The following ADAMTS2 variants were observed in gnomAD, a reference collection of about 807,000 sequenced individuals.
ADAMTS2 encodes the protein ADAM metallopeptidase with thrombospondin type 1 motif 2, also known as A disintegrin and metalloproteinase with thrombospondin motifs 2.
A neutral mutation model predicts 123.0 loss-of-function variants in ADAMTS2; 50 were observed. The observed-to-expected ratio is 0.41, with a 90% CI of 0.32 to 0.51. The LOEUF (loss-of-function observed/expected upper bound fraction) is 0.51, where lower values mean the gene tolerates loss of function less well. ADAMTS2 is among the 20% of genes least tolerant of loss of function. ADAMTS2 has a pLI of 0.35. For synonymous variants in ADAMTS2, 678 were observed against 695.4 expected, an observed-to-expected ratio of 0.98 and a Z score of 0.39; for missense variants, 1,494 against 1,705.2, an observed-to-expected ratio of 0.88 and a Z score of 2.18.
chr5:179,211,432 AGGTGT>A (rs1764847349), intron 3 of ADAMTS2, among the ~76,000 whole-genome samples: 1 of 152,162 alleles, frequency 6.6e-6, no homozygotes, highest in Non-Finnish European at 1.5e-5. Context: ...CCCTGAAGGG[AGGTGT>A]CTGTGGCAGG....
At chr5:179,116,033 C>A (rs1762650947) in intron 21 of ADAMTS2, among the ~76,000 whole-genome samples, 2 of 152,246 alleles carry the variant, frequency 1.3e-5, no homozygotes, top group South Asian at 4.2e-4. Context: ...CTGCTGCCCA[C>A]CCTGTCTCGG....
chr5:179,169,583 G>A (rs923598476), intron 5 of ADAMTS2, among the ~76,000 whole-genome samples: 1 of 152,148 alleles, frequency 6.6e-6, no homozygotes, highest in African/African-American at 2.4e-5. Flanking sequence ...GAGGACAGGG[G>A]GCTGTCCCTG....
intron 10 of ADAMTS2, 138 bp downstream of exon 10, chr5:179,152,004 A>AG: frequency 1.4e-6 from 1 of 721,588 alleles, no homozygotes; most frequent in Non-Finnish European, 2.4e-6. Flanking sequence ...GGTAATTAGA[A>AG]GGGGGAAAGG....
chr5:179,271,153 G>T (rs1299659309), intron 3 of ADAMTS2, among the ~76,000 whole-genome samples: 2 of 152,216 alleles, frequency 1.3e-5, no homozygotes, highest in Non-Finnish European at 2.9e-5. Flanking sequence ...TGGATTGGGG[G>T]TGGGGGTGGA....
At chr5:179,333,926 GC>G (rs1196374621) in intron 2 of ADAMTS2, among the ~76,000 whole-genome samples, 5 of 152,126 alleles carry the variant, frequency 3.3e-5, no homozygotes, top group African/African-American at 1.2e-4. Context: ...AAATGTCTTT[GC>G]TTGGAAAAAC....
Position 179,287,625 on chromosome 5 carries a change from G to A in ADAMTS2, c.535-14561C>T, listed in dbSNP as rs142048808. Among the ~76,000 whole-genome samples, 378 of 152,366 alleles carry A rather than the reference G, an allele frequency of 2.5e-3. 1 individual carries two copies. Among genetic ancestry groups the A allele is most frequent in the African/African-American group, 8.4e-3 (348 of 41,588 alleles). On this transcript the variant is annotated intron_variant, in intron 2 of 21. Coordinates refer to ENST00000251582, the MANE Select transcript of ADAMTS2 (RefSeq NM_014244.5). Reference sequence around the variant, plus strand: ...AGACGGGGTATGCAATTCTAGATGTGTGGCGTGTTTTGAACAGCATCCAAT... The same window carrying A: ...AGACGGGGTATGCAATTCTAGATGTATGGCGTGTTTTGAACAGCATCCAAT...
intron 2 of ADAMTS2, among the ~76,000 whole-genome samples, chr5:179,333,222 C>G (rs1290244716): frequency 6.6e-6 from 1 of 152,192 alleles, no homozygotes; most frequent in African/African-American, 2.4e-5. Flanking sequence ...CTGAGGCCAG[C>G]CAGCCTCATC....
rs1054360616 is a variant in ADAMTS2 at position 179,162,838 on chromosome 5, G to A, written c.976-3959C>T. Reference sequence around the variant, plus strand: ...CTGAGTTGTGCTCTTGTCACTTGCAGCGAAGAGAATCTGAGCCACGTGCTT... The same window carrying A: ...CTGAGTTGTGCTCTTGTCACTTGCAACGAAGAGAATCTGAGCCACGTGCTT... On this transcript the variant is annotated intron_variant, in intron 5 of 21. Coordinates refer to ENST00000251582, the MANE Select transcript of ADAMTS2 (RefSeq NM_014244.5). This position sits in a 1 kb window ranked among gnomAD's most constrained non-coding sequence, Gnocchi z 5.1. 4.6e-5 allele frequency among the ~76,000 whole-genome samples: 7 copies of A among 152,270 alleles called. No individual in the cohort carries two copies. Among genetic ancestry groups the A allele is most frequent in the African/African-American group, 1.7e-4 (7 of 41,476 alleles).
intron 5 of ADAMTS2, among the ~76,000 whole-genome samples, chr5:179,176,255 C>T (rs932493496): frequency 3.6e-4 from 55 of 152,254 alleles, no homozygotes; most frequent in Non-Finnish European, 4.9e-4. Flanking sequence ...GGGGCCGTCA[C>T]GCCCTTGCCC....
At position 179,118,801 on chromosome 5, in the gene ADAMTS2, C is replaced by T. The variant is rs75361539; in HGVS notation, c.3178+2860G>A. 8.3e-3 allele frequency among the ~76,000 whole-genome samples: 1,265 copies of T among 152,300 alleles called. 14 individuals carry two copies. Among genetic ancestry groups the T allele is most frequent in the African/African-American group, 0.029 (1,207 of 41,558 alleles). On this transcript the variant is annotated intron_variant, in intron 21 of 21. Transcript: ENST00000251582. This position sits in a 1 kb window ranked among gnomAD's most constrained non-coding sequence, Gnocchi z 4.5. ...GGGAAATGAGCAAATGTGAGACAGG[C>T]TAAAGCTGGTAGCAAGTGAGGCTTT...
At chr5:179,177,735 T>C (rs1023481302) in intron 5 of ADAMTS2, among the ~76,000 whole-genome samples, 1 of 152,114 alleles carries the variant, frequency 6.6e-6, no homozygotes, top group South Asian at 2.1e-4. Flanking sequence ...ACATACTCCT[T>C]CTACCTACCT....
intron 2 of ADAMTS2, among the ~76,000 whole-genome samples, chr5:179,329,491 T>C (rs565991511): frequency 2.3e-4 from 35 of 151,828 alleles, no homozygotes; most frequent in African/African-American, 8.5e-4. Flanking sequence ...TAGAAAAAAA[T>C]GAACACTTAA....
At position 179,308,746 on chromosome 5, in the gene ADAMTS2, G is replaced by A. The variant is rs1021008218; in HGVS notation, c.534+35021C>T. Among the ~76,000 whole-genome samples, 2 of 152,154 alleles carry A rather than the reference G, an allele frequency of 1.3e-5. No homozygotes were observed. The highest frequency in any genetic ancestry group is 2.9e-5 in the Non-Finnish European group (2 of 68,024). ...GGCGTCCTGAGTGGAAGCAGGGCGC[G>A]GGCTGCCATGGAACCCCACCCTCCT... On this transcript the variant is annotated intron_variant, in intron 2 of 21. Coordinates refer to ENST00000251582, the MANE Select transcript of ADAMTS2 (RefSeq NM_014244.5). The surrounding 1 kb of genome is among the most constrained non-coding windows in gnomAD (Gnocchi z 6.6).
In ADAMTS2 at chr5:179,121,741, G is replaced by C; in HGVS notation, c.3098C>G (p.Ser1033Ter). The C allele has an allele frequency of 6.3e-7, 1 of 1,579,212 alleles. No individual in the cohort carries two copies. Among genetic ancestry groups the C allele is most frequent in the Non-Finnish European group, 8.6e-7 (1 of 1,160,528 alleles). Residue 1033 changes from serine (S) to a stop codon, truncating the protein, a stop_gained, in exon 21 of 22, where the codon TCA (serine) becomes TGA (stop). Coordinates refer to ENST00000251582, the MANE Select transcript of ADAMTS2 (RefSeq NM_014244.5). LOFTEE classifies it high-confidence loss of function. ...CRLGPCPRNI[S>*]DPSKKSYVVQ... ...TACGTAGCTCTTCTTGGAGGGATCT[G>C]AGATGTTTCCTAGAGGGAGGAGAGA...
chr5:179,170,404 G>A lies in ADAMTS2; in HGVS notation c.975+10668C>T, dbSNP rs1763790990. 6.6e-6 allele frequency among the ~76,000 whole-genome samples: 1 copy of A among 152,074 alleles called. No individual in the cohort carries two copies. Among genetic ancestry groups the A allele is most frequent in the Non-Finnish European group, 1.5e-5 (1 of 68,022 alleles). On this transcript the variant is annotated intron_variant, in intron 5 of 21. Transcript: ENST00000251582. The surrounding 1 kb of genome is among the most constrained non-coding windows in gnomAD (Gnocchi z 4.3). ...CCAGAGTCTGTCCCCACCGTGGGGG[G>A]GACAGCTCAGCCCCCTCCTGACTGC...
intron 4 of ADAMTS2, among the ~76,000 whole-genome samples, chr5:179,186,627 C>A (rs1204223959): frequency 6.6e-6 from 1 of 152,234 alleles, no homozygotes; most frequent in African/African-American, 2.4e-5. Flanking sequence ...TAATTCCCGA[C>A]AAAACACTGG....
intron 8 of ADAMTS2, 123 bp from the exon 9 acceptor site, chr5:179,153,746 G>T (rs1750118693): frequency 4.3e-6 from 6 of 1,389,708 alleles, no homozygotes; most frequent in Non-Finnish European, 4.8e-6. Flanking sequence ...CCGGCCCCTG[G>T]CTGTGCTGCC....
rs115486854 is a variant in ADAMTS2 at position 179,233,104 on chromosome 5, T to C, written c.689-25389A>G. ...ACTGTTCTGAGAAATCACCACTGTT[T>C]ACTGGGAGAATCGTTTTTCAGCAAA... On this transcript the variant is annotated intron_variant, in intron 3 of 21. Coordinates refer to ENST00000251582, the MANE Select transcript of ADAMTS2 (RefSeq NM_014244.5). 3.2e-3 allele frequency among the ~76,000 whole-genome samples: 485 copies of C among 152,354 alleles called. 3 individuals are homozygous for C. The highest frequency in any genetic ancestry group is 5.6e-3 in the Non-Finnish European group (379 of 68,024).
intron 17 of ADAMTS2, among the ~76,000 whole-genome samples, chr5:179,127,566 C>A (rs927326085): frequency 1.3e-5 from 2 of 152,120 alleles, no homozygotes; most frequent in African/African-American, 4.8e-5. Context: ...AGGCTTTTCC[C>A]AGTGAACGGA....
Sources: gnomAD v4.1 joint callset for allele counts (sites outside exome capture counted in the v4.1 genomes callset) on GRCh38, gnomAD v4.1.1 for gene constraint, Gnocchi (gnomAD v3.1) non-coding constraint, MANE v1.5 for transcripts, NCBI Gene and HGNC (gene_info 2026-07-23, HGNC 2026-07-21) for gene names.